CDC42BPA: variants seen among roughly 807,000 people sequenced by gnomAD.
The protein encoded by CDC42BPA is CDC42 binding protein kinase alpha.
In CDC42BPA, 80 loss-of-function variants were observed where a neutral mutation model predicts 223.5. The ratio of observed to expected loss-of-function variants is 0.36; its 90% CI spans 0.30 to 0.43. The LOEUF (loss-of-function observed/expected upper bound fraction) is 0.43. Ranked by LOEUF, CDC42BPA falls within the 20% of genes least tolerant of loss-of-function variation. The pLI, the probability that CDC42BPA is intolerant of heterozygous loss-of-function variation, is 1.00. For synonymous variants in CDC42BPA, 694 were observed against 718.6 expected (o/e 0.97, Z 0.55); for missense variants, 1,743 against 2,099.9 (o/e 0.83, Z 3.32).
intron 4 of CDC42BPA, among the ~76,000 whole-genome samples, chr1:227,196,409 A>G (rs1009764483): frequency 9.3e-5 from 12 of 129,026 alleles, no homozygotes; most frequent in South Asian, 2.4e-4. Context: ...GCGTGACCTC[A>G]GCTCACTGCA....
chr1:227,170,758 T>C (rs768969477), intron 5 of CDC42BPA, among the ~76,000 whole-genome samples: 52 of 152,204 alleles, frequency 3.4e-4, no homozygotes, highest in Non-Finnish European at 4.6e-4. Context: ...GAACTCCTAG[T>C]AGGGCTGACT....
chr1:227,280,804 C>T (rs1687896776), intron 1 of CDC42BPA, among the ~76,000 whole-genome samples: 1 of 152,192 alleles, frequency 6.6e-6, no homozygotes, highest in South Asian at 2.1e-4. Context: ...TAATAGGGAT[C>T]GTCTGCAGTA....
intron 5 of CDC42BPA, among the ~76,000 whole-genome samples, chr1:227,163,758 A>T (rs1318528348): frequency 2.0e-5 from 3 of 150,250 alleles, no homozygotes; most frequent in Admixed American, 1.3e-4. Context: ...TATATATATA[A>T]AATACTAATG....
rs1694705208 is a variant in CDC42BPA, at chr1:227,318,229, A to T, written c.-1047T>A. 6.5e-6 allele frequency: 1 copy of T among 154,852 alleles called. No individual in the cohort carries two copies. Among genetic ancestry groups the T allele is most frequent in the Admixed American group, 6.5e-5 (1 of 15,288 alleles). 9.6% of individuals were successfully genotyped at this position (154,852 alleles called of 1,614,324 possible). The stretch of plus-strand genomic sequence containing the variant: ...GGCGGCGCGGGCGGCTCTGGCAGCT[A>T]CTTCTCCCCCTTCTTCACACCCCTG... On this transcript the variant is annotated 5_prime_UTR_variant, in exon 1 of 37. Coordinates refer to ENST00000366766, the MANE Select transcript of CDC42BPA (RefSeq NM_001394014.1).
At chr1:227,098,950 C>G (rs1684495337) in intron 15 of CDC42BPA, among the ~76,000 whole-genome samples, 1 of 151,636 alleles carries the variant, frequency 6.6e-6, no homozygotes, top group South Asian at 2.1e-4. Flanking sequence ...TGCATTAGTC[C>G]ATAACTGCGT....
chr1:227,181,156 G>C (rs1346676944), intron 5 of CDC42BPA, among the ~76,000 whole-genome samples: 1 of 152,074 alleles, frequency 6.6e-6, no homozygotes, highest in African/African-American at 2.4e-5. Context: ...TGAAATTAAA[G>C]TGCATCTATT....
chr1:227,239,134 G>A (rs1679594797), intron 2 of CDC42BPA, among the ~76,000 whole-genome samples: 1 of 152,114 alleles, frequency 6.6e-6, no homozygotes, highest in Non-Finnish European at 1.5e-5. Context: ...AGATGTAGAG[G>A]AACCATAAAT....
chr1:227,062,921 A>C (rs1424586490), intron 21 of CDC42BPA, among the ~76,000 whole-genome samples: 2 of 152,120 alleles, frequency 1.3e-5, no homozygotes, highest in East Asian at 3.9e-4. Context: ...AATATCTCAA[A>C]ATAAATATAT....
chr1:227,269,574 T>C (rs920495878), intron 1 of CDC42BPA, among the ~76,000 whole-genome samples: 9 of 152,094 alleles, frequency 5.9e-5, no homozygotes, highest in Non-Finnish European at 8.8e-5. Flanking sequence ...GAACAAAGTT[T>C]AAGAAAAATA....
intron 15 of CDC42BPA, among the ~76,000 whole-genome samples, chr1:227,095,236 G>A (rs1241029102): frequency 6.6e-6 from 1 of 152,122 alleles, no homozygotes; most frequent in African/African-American, 2.4e-5. Context: ...GAAATCTGAG[G>A]AAAACATCTG....
At chr1:227,284,179 T>C (rs188068130) in intron 1 of CDC42BPA, among the ~76,000 whole-genome samples, 1 of 152,324 alleles carries the variant, frequency 6.6e-6, no homozygotes, top group East Asian at 1.9e-4. Flanking sequence ...GATGGTATGG[T>C]TTGATGAGTA....
At chr1:227,188,227 C>G (rs1669150242) in intron 5 of CDC42BPA, among the ~76,000 whole-genome samples, 1 of 152,012 alleles carries the variant, frequency 6.6e-6, no homozygotes, top group Non-Finnish European at 1.5e-5. Flanking sequence ...AGCAATGATA[C>G]AAGGGACAAG....
At position 227,073,936 on chromosome 1, in the gene CDC42BPA, G is replaced by C. The variant is rs906715772; in HGVS notation, c.2663C>G (p.Ala888Gly). The C allele has an allele frequency of 6.2e-7, 1 of 1,610,784 alleles. No individual in the cohort carries two copies. Among genetic ancestry groups the C allele is most frequent in the Non-Finnish European group, 8.5e-7 (1 of 1,179,034 alleles). The change falls in exon 19 of 37, where the codon GCA becomes GGA. Residue 888 changes from alanine (A) to glycine (G), a missense_variant. Physicochemically the swap from Ala to Gly is moderately conservative, Grantham distance 60. Coordinates refer to ENST00000366766, the MANE Select transcript of CDC42BPA (RefSeq NM_001394014.1). Reference sequence around the variant, plus strand: ...GATGGCCTGTTTGGCTCTTATTTCTGCATCCAGAGCCGACTGCAACTCCAG... The same window carrying C: ...GATGGCCTGTTTGGCTCTTATTTCTCCATCCAGAGCCGACTGCAACTCCAG... The part of the protein sequence containing the change: ...ARLELQSALD[A>G]EIRAKQAIQE...
chr1:227,206,713 A>G (rs1672787104), intron 3 of CDC42BPA, among the ~76,000 whole-genome samples: 1 of 152,200 alleles, frequency 6.6e-6, no homozygotes, highest in African/African-American at 2.4e-5. Context: ...CTTCCTTAAA[A>G]GTTTCAATGC....
intron 2 of CDC42BPA, among the ~76,000 whole-genome samples, chr1:227,243,243 T>C (rs1680309452): frequency 6.6e-6 from 1 of 152,168 alleles, no homozygotes; most frequent in South Asian, 2.1e-4. Context: ...AATAGGGCGA[T>C]GAAATAATCT....
chr1:227,204,134 GAAC>G (rs948079898), intron 3 of CDC42BPA, among the ~76,000 whole-genome samples: 2 of 152,140 alleles, frequency 1.3e-5, no homozygotes, highest in African/African-American at 4.8e-5. Flanking sequence ...TTGAGGGAAA[GAAC>G]AACATTTTTC....
chr1:227,075,842 A>G (rs1679357897), intron 17 of CDC42BPA, among the ~76,000 whole-genome samples: 1 of 152,182 alleles, frequency 6.6e-6, no homozygotes, highest in African/African-American at 2.4e-5. Context: ...CATGGCTCAG[A>G]GATCTTAGTT....
chr1:227,041,582 G>T (rs556908918), intron 23 of CDC42BPA, among the ~76,000 whole-genome samples: 1 of 151,990 alleles, frequency 6.6e-6, no homozygotes, highest in East Asian at 1.9e-4. Context: ...TTTTCAACTG[G>T]GATATATGAT....
Position 227,058,430 on chromosome 1 carries a change from G to A in CDC42BPA, c.2905-6445C>T, listed in dbSNP as rs555396128. Among the ~76,000 whole-genome samples, 9 of 152,226 alleles carry A rather than the reference G, an allele frequency of 5.9e-5. No homozygotes were observed. The South Asian group carries it at 8.3e-4, about 14-fold the overall frequency. The stretch of plus-strand genomic sequence containing the variant: ...TAGAACTTTCCGAGTCTAAGAATTC[G>A]GAATGTAAAGTGTTGATCAGTCTCC... On this transcript the variant is annotated intron_variant, in intron 21 of 36. Coordinates refer to ENST00000366766, the MANE Select transcript of CDC42BPA (RefSeq NM_001394014.1).
Sources: gnomAD v4.1 joint callset for allele counts (sites outside exome capture counted in the v4.1 genomes callset) on GRCh38, gnomAD v4.1.1 for gene constraint, MANE v1.5 for transcripts, NCBI Gene and HGNC (gene_info 2026-07-23, HGNC 2026-07-21) for gene names.